Variants in DNAH2 observed in about 807,000 individuals in gnomAD.
The protein encoded by DNAH2 is dynein axonemal heavy chain 2, also known as axonemal beta dynein heavy chain 2.
Under a neutral mutation model 523.5 loss-of-function variants are expected in DNAH2, and 323 were observed. The observed-to-expected ratio is 0.62, with a 90% confidence interval of 0.56 to 0.68. The LOEUF is 0.68. DNAH2 is among the 30% of genes least tolerant of loss of function. The pLI is 0.00. For missense variants in DNAH2, 4,907 were observed against 5,701.5 expected, an observed-to-expected ratio of 0.86 and a Z score of 4.49; for synonymous variants, 2,093 against 2,177.4, an observed-to-expected ratio of 0.96 and a Z score of 1.08.
chr17:7,735,582 G>A (rs1005657096), intron 7 of DNAH2, among the ~76,000 whole-genome samples: 3 of 151,932 alleles, frequency 2.0e-5, no homozygotes, highest in Non-Finnish European at 2.9e-5. Flanking sequence ...GGGACTACAG[G>A]TGTGCACCAG....
In DNAH2 at chr17:7,737,248, T is replaced by C. The variant is rs753641152; in HGVS notation, c.1160T>C (p.Leu387Pro). 8.1e-6 allele frequency: 13 copies of C among 1,613,860 alleles called. No individual in the cohort carries two copies. The highest frequency in any genetic ancestry group is 1.1e-5 in the South Asian group (1 of 91,070). The change falls in exon 8 of 86, where the codon CTC (leucine) becomes CCC (proline). Residue 387 changes from leucine to proline, a missense_variant. By Grantham distance (98) the Leu-to-Pro change is moderately conservative. Transcript: ENST00000572933. Reference sequence around the variant, plus strand: ...AACACTCGGGAGAGACTGACCTCGCTCTTCCGAAAGGTGTGCATATGCTGA... The same window carrying C: ...AACACTCGGGAGAGACTGACCTCGCCCTTCCGAAAGGTGTGCATATGCTGA... Reference protein sequence around the residue: ...HYNTRERLTSLFRKVCDCQYH... With the variant: ...HYNTRERLTSPFRKVCDCQYH...
In DNAH2 at chr17:7,734,518, A is replaced by G. The variant is rs760480222; in HGVS notation, c.788A>G (p.Gln263Arg). 1.2e-5 allele frequency: 19 copies of G among 1,613,794 alleles called. No homozygotes were observed. Among genetic ancestry groups the G allele is most frequent in the African/African-American group, 2.7e-5 (2 of 74,820 alleles). Residue 263 changes from glutamine (Q) to arginine (R), a missense_variant, in exon 7 of 86, where the codon CAG becomes CGG. This residue lies in a region of DNAH2 where 2,806 missense variants were observed against 3,190.8 expected (regional missense o/e 0.88). Coordinates refer to ENST00000572933, the MANE Select transcript of DNAH2 (RefSeq NM_020877.5). ...TRQIKEMLSA[Q>R]ETVETGENLG... The stretch of plus-strand genomic sequence containing the variant: ...CAGATAAAGGAGATGCTCAGTGCCC[A>G]GGAGACTGTGGAGACAGGAGAAAAT...
In DNAH2 at chr17:7,770,875, T is replaced by A; in HGVS notation, c.4304T>A (p.Leu1435His). 6.2e-7 allele frequency: 1 copy of A among 1,614,132 alleles called. No homozygotes were observed. The change falls in exon 27 of 86, where the codon CTC (leucine) becomes CAC (histidine). Residue 1435 changes from leucine to histidine, a missense_variant. Leu to His is a moderately conservative substitution (Grantham distance 99). Transcript: ENST00000572933. ...GACCACTGGGAACGCTGCCTCTCCCTCATTTTGGAGGTTATTGAGATGATT... is the reference window on the plus strand; with the variant it reads ...GACCACTGGGAACGCTGCCTCTCCCACATTTTGGAGGTTATTGAGATGATT... The part of the protein sequence containing the change: ...DVDHWERCLS[L>H]ILEVIEMILT...
Position 7,832,796 on chromosome 17 carries a change from G to C in DNAH2, c.12903+41G>C. 6.2e-7 allele frequency: 1 copy of C among 1,613,974 alleles called. No individual in the cohort carries two copies. The highest frequency in any genetic ancestry group is 8.5e-7 in the Non-Finnish European group (1 of 1,179,966). On this transcript the variant is annotated intron_variant, in intron 83 of 85. Coordinates refer to ENST00000572933, the MANE Select transcript of DNAH2 (RefSeq NM_020877.5). The surrounding 1 kb of genome is among the most constrained non-coding windows in gnomAD (Gnocchi z 4.3). ...AGTGTGAGGGGGGGATGTATGCTGGGGCCATGTATGTGTTCTCCTCTTCAG... is the reference window on the plus strand; with the variant it reads ...AGTGTGAGGGGGGGATGTATGCTGGCGCCATGTATGTGTTCTCCTCTTCAG...
chr17:7,743,658 T>G, intron 12 of DNAH2: 5 of 328,808 alleles, frequency 1.5e-5, no homozygotes, highest in Non-Finnish European at 1.1e-5. Flanking sequence ...AGAGTGACCC[T>G]GCCTCAAAAA....
In DNAH2 at chr17:7,817,184, C is replaced by G. The variant is rs977308226; in HGVS notation, c.9895-106C>G. Reference sequence around the variant, plus strand: ...CACAGGTTTAGGGGAGGGAAAGATCCTCTTTGAACCTGACAGTGTCCAGAA... The same window carrying G: ...CACAGGTTTAGGGGAGGGAAAGATCGTCTTTGAACCTGACAGTGTCCAGAA... On this transcript the variant is annotated intron_variant, in intron 64 of 85. Coordinates refer to ENST00000572933, the MANE Select transcript of DNAH2 (RefSeq NM_020877.5). The G allele has an allele frequency of 4.2e-6, 6 of 1,445,424 alleles. No individual in the cohort carries two copies. In the African/African-American group the frequency reaches 8.5e-5, roughly 20 times the overall value. 89.5% of individuals were successfully genotyped at this position (1,445,424 alleles called of 1,614,324 possible).
chr17:7,727,957 C>A (rs1211628892), intron 4 of DNAH2, among the ~76,000 whole-genome samples: 1 of 151,808 alleles, frequency 6.6e-6, no homozygotes, highest in African/African-American at 2.4e-5. Context: ...AAGTGGGATT[C>A]CATCAAGACT....
At chr17:7,765,362 G>A in intron 20 of DNAH2, 29 bp from the exon 21 acceptor site, 1 of 1,595,036 alleles carries the variant, frequency 6.3e-7, no homozygotes, top group South Asian at 1.1e-5. Context: ...TCCTGCTCCT[G>A]GTCATCCTCC....
rs1238079289 is a variant in DNAH2, at chr17:7,733,177, C to T, written c.490C>T (p.Arg164Trp). The change falls in exon 5 of 86, where the codon CGG (arginine) becomes TGG (tryptophan). Residue 164 changes from arginine to tryptophan, a missense_variant. Coordinates refer to ENST00000572933, the MANE Select transcript of DNAH2 (RefSeq NM_020877.5). ...FEATVQFGTV[R>W]GPYIPALLRL... is the part of the protein sequence containing the mutation. ...GGCAACTGTGCAGTTTGGGACGGTG[C>T]GGGGCCCCTATATCCCGGCCCTGCT... 3.7e-6 allele frequency: 6 copies of T among 1,614,172 alleles called. No homozygotes were observed. The highest frequency in any genetic ancestry group is 5.1e-6 in the Non-Finnish European group (6 of 1,180,024).
intron 28 of DNAH2, 70 bp from the exon 29 acceptor site, chr17:7,774,689 A>T: frequency 1.4e-6 from 2 of 1,379,872 alleles, no homozygotes; most frequent in Non-Finnish European, 2.0e-6. Context: ...AAGAACACAG[A>T]GTTGGGGCAT....
rs1387061951 is a variant in DNAH2, at chr17:7,832,956, G to A, written c.12978+28G>A. 1 of 1,613,950 alleles carries A rather than the reference G, an allele frequency of 6.2e-7. No homozygotes were observed. The highest frequency in any genetic ancestry group is 1.3e-5 in the African/African-American group (1 of 74,912). ...GGGAGCCAGTTGTGCTTGGGGCTCT[G>A]AGCAAAAGAGGGTACTGGAAATAAT... On this transcript the variant is annotated intron_variant, in intron 84 of 85. Transcript: ENST00000572933. This position sits in a 1 kb window ranked among gnomAD's most constrained non-coding sequence, Gnocchi z 4.3.
chr17:7,793,047 G>T lies in DNAH2; in HGVS notation c.7411G>T (p.Val2471Leu). Residue 2471 changes from valine to leucine, a missense_variant, in exon 48 of 86, where the codon GTG becomes TTG. Around this residue, in one of 3 missense-constraint regions of DNAH2, gnomAD observed 2,806 missense variants for 3,190.8 expected, o/e 0.88. Coordinates refer to ENST00000572933, the MANE Select transcript of DNAH2 (RefSeq NM_020877.5). ...TGAGAAGCGAACCAAGGGTGTCTAC[G>T]TGCCATTCGGGGGCAAAAGCATGAT... ...RVEKRTKGVY[V>L]PFGGKSMITF... The T allele has an allele frequency of 6.2e-7, 1 of 1,614,164 alleles. No homozygotes were observed. The highest frequency in any genetic ancestry group is 8.5e-7 in the Non-Finnish European group (1 of 1,180,018).
Position 7,801,570 on chromosome 17 carries a change from C to T in DNAH2, c.8700-8C>T, listed in dbSNP as rs1217204710. ...CGGAATTTACAGCCTCTCCAAACCC[C>T]TTCCCAGGAACTGGATCCGCCAGTA... On this transcript the variant is annotated splice_polypyrimidine_tract_variant and splice_region_variant and intron_variant, in intron 56 of 85. Coordinates refer to ENST00000572933, the MANE Select transcript of DNAH2 (RefSeq NM_020877.5). 1.2e-6 allele frequency: 2 copies of T among 1,614,162 alleles called. No individual in the cohort carries two copies. The highest frequency in any genetic ancestry group is 8.5e-7 in the Non-Finnish European group (1 of 1,180,010).
intron 63 of DNAH2, among the ~76,000 whole-genome samples, chr17:7,814,114 G>C (rs1002000565): frequency 6.9e-6 from 1 of 145,350 alleles, no homozygotes; most frequent in African/African-American, 2.6e-5. Flanking sequence ...ATGGCAGGAA[G>C]ACTTCCCCTT....
In DNAH2 at chr17:7,807,222, T is replaced by C. The variant is rs145377124; in HGVS notation, c.9515T>C (p.Ile3172Thr). 3.7e-5 allele frequency: 60 copies of C among 1,613,524 alleles called. No individual in the cohort carries two copies. Among genetic ancestry groups the C allele is most frequent in the South Asian group, 2.2e-4 (20 of 91,088 alleles). The change falls in exon 62 of 86, where the codon ATT becomes ACT. Residue 3172 changes from isoleucine to threonine, a missense_variant. Physicochemically the swap from Ile to Thr is moderately conservative, Grantham distance 89 (BLOSUM62 -1). Coordinates refer to ENST00000572933, the MANE Select transcript of DNAH2 (RefSeq NM_020877.5). This position sits in a 1 kb window ranked among gnomAD's most constrained non-coding sequence, Gnocchi z 5.6. ...DNISDKVLKK[I>T]GAYCAQPDFQ... Reference sequence around the variant, plus strand: ...ATCTCAGATAAGGTTCTGAAGAAGATTGGGGCCTACTGCGCCCAGCCTGAC... The same window carrying C: ...ATCTCAGATAAGGTTCTGAAGAAGACTGGGGCCTACTGCGCCCAGCCTGAC...
At chr17:7,783,820 A>G (rs72840091) in intron 39 of DNAH2, among the ~76,000 whole-genome samples, 42,670 of 151,024 alleles carry the variant, frequency 0.28, 6,574 homozygotes, top group Non-Finnish European at 0.35. Context: ...AAAACAAAAA[A>G]CAGAACCTAA....
In DNAH2 at chr17:7,831,745, T is replaced by G. The variant is rs57985356; in HGVS notation, c.12696T>G (p.Phe4232Leu). 158,485 of 1,613,856 alleles carry G rather than the reference T, an allele frequency of 0.098. 10,377 individuals carry two copies. The highest frequency in any genetic ancestry group is 0.27 in the East Asian group (12,297 of 44,872). The change falls in exon 82 of 86, where the codon TTT becomes TTG. Residue 4232 changes from phenylalanine (F) to leucine (L), a missense_variant. By Grantham distance (22) the Phe-to-Leu change is conservative (BLOSUM62 0). This residue lies in a region of DNAH2 where 1,851 missense variants were observed against 2,139.4 expected (regional missense o/e 0.87). Coordinates refer to ENST00000572933, the MANE Select transcript of DNAH2 (RefSeq NM_020877.5). The surrounding 1 kb of genome is among the most constrained non-coding windows in gnomAD (Gnocchi z 4.2). ...TSLEEIFNCI[F>L]DAHVPPLWGK... ...TGGAAGAGATTTTCAATTGCATCTT[T>G]GATGCCCATGTTCCTCCGCTCTGGG... is the stretch of plus-strand genomic sequence containing the variant.
chr17:7,820,988 G>C (rs924078945), intron 72 of DNAH2, among the ~76,000 whole-genome samples: 1 of 152,098 alleles, frequency 6.6e-6, no homozygotes, highest in African/African-American at 2.4e-5. Flanking sequence ...GCAGTGTGTC[G>C]AGATCGTACC....
chr17:7,801,634 C>G lies in DNAH2; in HGVS notation c.8756C>G (p.Ser2919Ter). 4 of 1,614,200 alleles carry G rather than the reference C, an allele frequency of 2.5e-6. No individual in the cohort carries two copies. The highest frequency in any genetic ancestry group is 3.4e-6 in the Non-Finnish European group (4 of 1,180,038). Residue 2919 changes from serine (S) to a stop codon, truncating the protein, a stop_gained, in exon 57 of 86, where the codon TCA becomes TGA. Coordinates refer to ENST00000572933, the MANE Select transcript of DNAH2 (RefSeq NM_020877.5). LOFTEE classifies it high-confidence loss of function. ...AACTGCACAACCATCAACTGGTTCTCAGAGTGGCCCCAAGAGGCCCTGCTC... is the reference window on the plus strand; with the variant it reads ...AACTGCACAACCATCAACTGGTTCTGAGAGTGGCCCCAAGAGGCCCTGCTC... ...LVNCTTINWF[S>*]EWPQEALLEV...
Sources: allele counts gnomAD v4.1 joint callset (sites outside exome capture counted in the v4.1 genomes callset), GRCh38; gene constraint gnomAD v4.1.1; regional missense constraint gnomAD v4.1.1; non-coding constraint Gnocchi (gnomAD v3.1); transcripts MANE v1.5; gene names NCBI Gene and HGNC (gene_info 2026-07-23, HGNC 2026-07-21).